The following REEP3 variants were observed in gnomAD, a reference collection of about 807,000 sequenced individuals.
The protein encoded by REEP3 is receptor expression-enhancing protein 3.
A neutral mutation model predicts 41.3 loss-of-function variants in REEP3; 20 were observed. That is an observed-to-expected ratio of 0.48 (90% CI 0.34 to 0.70). The LOEUF (loss-of-function observed/expected upper bound fraction) is 0.70, where lower values mean the gene tolerates loss of function less well. Ranked by LOEUF, REEP3 falls within the 30% of genes least tolerant of loss-of-function variation. REEP3 has a pLI of 0.01. For synonymous variants in REEP3, 104 were observed against 101.8 expected, an observed-to-expected ratio of 1.02 and a Z score of -0.13; for missense variants, 271 against 308.8, an observed-to-expected ratio of 0.88 and a Z score of 0.92.
intron 6 of REEP3, among the ~76,000 whole-genome samples, chr10:63,612,291 C>T (rs1956282453): frequency 6.6e-6 from 1 of 152,076 alleles, no homozygotes; most frequent in South Asian, 2.1e-4. Context: ...TCTGTGTCAG[C>T]CTTCCGAGAA....
chr10:63,521,665 T>A, intron 1 of REEP3, 88 bp downstream of exon 1: 1 of 1,004,288 alleles, frequency 1.0e-6, no homozygotes. Flanking sequence ...AGGGAAGGCC[T>A]GGGCCTGGGC....
intron 6 of REEP3, among the ~76,000 whole-genome samples, chr10:63,612,173 GT>G: frequency 6.6e-6 from 1 of 151,640 alleles, no homozygotes; most frequent in South Asian, 2.1e-4. Flanking sequence ...GTTTGTTTTT[GT>G]TGTTAATTTA....
At chr10:63,529,787 TTTTTTGAGACTGAGGAGTTTTGCTCTTG>T (rs936771091) in intron 1 of REEP3, among the ~76,000 whole-genome samples, 2 of 149,986 alleles carry the variant, frequency 1.3e-5, no homozygotes, top group East Asian at 2.0e-4. Flanking sequence ...TTCTTTTTTT[TTTTTTGAGACTGAGGAGTTTTGCTCTTG>T]TTGCCCAGGC....
chr10:63,538,705 G>A (rs1334778275), intron 1 of REEP3, among the ~76,000 whole-genome samples: 3 of 152,136 alleles, frequency 2.0e-5, no homozygotes, highest in African/African-American at 7.2e-5. Context: ...CTACACTCCA[G>A]CCTGGGCGAC....
At chr10:63,550,296 G>A (rs570926228) in intron 1 of REEP3, among the ~76,000 whole-genome samples, 2 of 152,270 alleles carry the variant, frequency 1.3e-5, no homozygotes, top group South Asian at 4.1e-4. Context: ...AAATCTGATG[G>A]TACTAGATTG....
intron 2 of REEP3, among the ~76,000 whole-genome samples, chr10:63,581,600 G>A (rs1955954489): frequency 6.6e-6 from 1 of 152,002 alleles, no homozygotes; most frequent in African/African-American, 2.4e-5. Context: ...AAAATTAGCT[G>A]GGCGTGGTGG....
chr10:63,540,941 TATCA>T (rs1229275493), intron 1 of REEP3, among the ~76,000 whole-genome samples: 1 of 152,180 alleles, frequency 6.6e-6, no homozygotes, highest in Non-Finnish European at 1.5e-5. Flanking sequence ...CTATGTAGTC[TATCA>T]ATCTTCTTTC....
chr10:63,548,036 G>T (rs1955594804), intron 1 of REEP3, among the ~76,000 whole-genome samples: 1 of 152,228 alleles, frequency 6.6e-6, no homozygotes, highest in East Asian at 1.9e-4. Context: ...GCTGCCCTGA[G>T]TGTCACTTAT....
At chr10:63,548,976 A>G (rs1339769430) in intron 1 of REEP3, among the ~76,000 whole-genome samples, 1 of 151,646 alleles carries the variant, frequency 6.6e-6, no homozygotes, top group Non-Finnish European at 1.5e-5. Context: ...GTGCCCTTTG[A>G]GTTTTTTTTT....
chr10:63,540,555 T>C (rs866772320), intron 1 of REEP3, among the ~76,000 whole-genome samples: 6 of 152,246 alleles, frequency 3.9e-5, no homozygotes, highest in Admixed American at 6.5e-5. Flanking sequence ...GGAAGGAAGC[T>C]TGAGGGCAAA....
chr10:63,572,548 T>G (rs1955862738), intron 2 of REEP3, among the ~76,000 whole-genome samples: 1 of 152,122 alleles, frequency 6.6e-6, no homozygotes, highest in African/African-American at 2.4e-5. Context: ...TTAAACTGAC[T>G]GTTAACAGTT....
intron 1 of REEP3, among the ~76,000 whole-genome samples, chr10:63,529,654 A>T (rs1313065302): frequency 1.3e-5 from 2 of 151,740 alleles, no homozygotes; most frequent in Non-Finnish European, 2.9e-5. Flanking sequence ...TTTTGTAGAG[A>T]TGAGGGTCTT....
intron 2 of REEP3, among the ~76,000 whole-genome samples, chr10:63,571,455 T>C (rs1589871438): frequency 1.3e-5 from 2 of 152,140 alleles, no homozygotes; most frequent in Non-Finnish European, 2.9e-5. Context: ...GGCTTTATTC[T>C]TCCATCCTCA....
At chr10:63,584,000 T>C (rs1221858162) in intron 2 of REEP3, among the ~76,000 whole-genome samples, 4 of 152,214 alleles carry the variant, frequency 2.6e-5, no homozygotes, top group Non-Finnish European at 4.4e-5. Flanking sequence ...AACATATCTG[T>C]ACTTTCCCAT....
intron 1 of REEP3, among the ~76,000 whole-genome samples, chr10:63,543,268 A>G (rs770869062): frequency 3.9e-5 from 6 of 152,126 alleles, no homozygotes; most frequent in Admixed American, 1.3e-4. Flanking sequence ...TCATGTTTTA[A>G]TAACATGGAA....
chr10:63,571,175 G>C (rs1955848925), intron 2 of REEP3, among the ~76,000 whole-genome samples: 1 of 152,166 alleles, frequency 6.6e-6, no homozygotes, highest in African/African-American at 2.4e-5. Flanking sequence ...TGTCACCTTG[G>C]AATAGTAATA....
intron 5 of REEP3, among the ~76,000 whole-genome samples, chr10:63,607,681 C>G (rs763674819): frequency 6.6e-6 from 1 of 152,154 alleles, no homozygotes; most frequent in Non-Finnish European, 1.5e-5. Flanking sequence ...CAGTAGCATA[C>G]CAGGCACACC....
chr10:63,538,275 T>G (rs1372029072), intron 1 of REEP3, among the ~76,000 whole-genome samples: 1 of 152,212 alleles, frequency 6.6e-6, no homozygotes, highest in African/African-American at 2.4e-5. Context: ...TTTAAATTTT[T>G]GAGTGATATT....
chr10:63,608,696 A>AT (rs1037139793), intron 5 of REEP3, among the ~76,000 whole-genome samples: 7 of 151,830 alleles, frequency 4.6e-5, no homozygotes, highest in South Asian at 2.1e-4. Flanking sequence ...TAAATTTAGA[A>AT]TTTTTTTTTC....
Sources: gnomAD v4.1 joint callset for allele counts (sites outside exome capture counted in the v4.1 genomes callset) on GRCh38, gnomAD v4.1.1 for gene constraint, MANE v1.5 for transcripts, NCBI Gene and HGNC (gene_info 2026-07-23, HGNC 2026-07-21) for gene names.